Variants in ERC1 observed in about 807,000 individuals in gnomAD.
ERC1 encodes the protein ELKS/RAB6-interacting/CAST family member 1.
A neutral mutation model predicts 132.0 loss-of-function variants in ERC1; 56 were observed. That is an observed-to-expected ratio of 0.42 (90% confidence interval 0.34 to 0.53). The LOEUF is 0.53. ERC1 is among the 20% of genes least tolerant of loss of function. The pLI, the probability that ERC1 is intolerant of heterozygous loss-of-function variation, is 0.03. For missense variants in ERC1, 1,202 were observed against 1,349.9 expected (o/e 0.89, Z 1.72); for synonymous variants, 478 against 476.1 (o/e 1.00, Z -0.05).
At chr12:1,307,634 C>T (rs16928349) in intron 15 of ERC1, among the ~76,000 whole-genome samples, 2,934 of 152,224 alleles carry the variant, frequency 0.019, 101 homozygotes, top group African/African-American at 0.068. Flanking sequence ...AATGCCCGAG[C>T]GCCCCTTTAG....
At chr12:1,064,616 ACTC>A (rs1452684546) in intron 2 of ERC1, among the ~76,000 whole-genome samples, 1 of 151,806 alleles carries the variant, frequency 6.6e-6, no homozygotes, top group Non-Finnish European at 1.5e-5. Context: ...CTTGTGTCAA[ACTC>A]CTGGCCTCAA....
intron 18 of ERC1, among the ~76,000 whole-genome samples, chr12:1,482,698 C>T (rs2094117317): frequency 2.0e-5 from 3 of 152,118 alleles, no homozygotes; most frequent in South Asian, 4.1e-4. Flanking sequence ...CCACCTGCCT[C>T]GGCCTCCCAA....
At chr12:1,235,733 G>GC (rs1197976994) in intron 12 of ERC1, among the ~76,000 whole-genome samples, 7 of 152,154 alleles carry the variant, frequency 4.6e-5, no homozygotes, top group African/African-American at 7.2e-5. Context: ...TGCACAGCTA[G>GC]CAAGAGTATA....
At chr12:1,401,355 G>A (rs2091052193) in intron 16 of ERC1, among the ~76,000 whole-genome samples, 1 of 152,148 alleles carries the variant, frequency 6.6e-6, no homozygotes, top group South Asian at 2.1e-4. Context: ...AAATGCTGTA[G>A]CAAATAAAGG....
rs12099903 is a variant in ERC1 at position 1,418,240 on chromosome 12, C to T, written c.3024+9993C>T. ...GGACATGCTACCCCAAAATATGGCACGTTGGCATTGGATACAACAACAGAA... is the reference window on the plus strand; with the variant it reads ...GGACATGCTACCCCAAAATATGGCATGTTGGCATTGGATACAACAACAGAA... On this transcript the variant is annotated intron_variant, in intron 17 of 18. Coordinates refer to ENST00000360905, the MANE Select transcript of ERC1 (RefSeq NM_178040.4). Among the ~76,000 whole-genome samples, 1,060 of 152,274 alleles carry T rather than the reference C, an allele frequency of 7.0e-3. 16 individuals carry two copies. Among genetic ancestry groups the T allele is most frequent in the African/African-American group, 0.024 (983 of 41,546 alleles).
At chr12:1,231,966 C>T (rs572901511) in intron 12 of ERC1, among the ~76,000 whole-genome samples, 2 of 152,298 alleles carry the variant, frequency 1.3e-5, no homozygotes, top group South Asian at 2.1e-4. Context: ...TCTTCGATCT[C>T]CTGACCTCAT....
chr12:1,064,922 A>T (rs544073492), intron 2 of ERC1, among the ~76,000 whole-genome samples: 35 of 152,030 alleles, frequency 2.3e-4, no homozygotes, highest in Non-Finnish European at 5.1e-4. Flanking sequence ...GTAGTTGTTC[A>T]CTTAATGGTG....
intron 2 of ERC1, among the ~76,000 whole-genome samples, chr12:1,060,537 T>C (rs184018949): frequency 6.6e-6 from 1 of 152,196 alleles, no homozygotes; most frequent in African/African-American, 2.4e-5. Flanking sequence ...TAGTATTCCA[T>C]GGTGTATATG....
chr12:1,075,953 G>C (rs1206495240), intron 2 of ERC1, among the ~76,000 whole-genome samples: 1 of 152,088 alleles, frequency 6.6e-6, no homozygotes, highest in African/African-American at 2.4e-5. Context: ...TGGTACAAGG[G>C]TCAACTGTAC....
In ERC1 at chr12:1,189,870, A is replaced by G. The variant is rs753055881; in HGVS notation, c.2169A>G (p.Ala723=). The part of the protein sequence containing the change: ...MESQLKKAHE[A]ALEARASPEM... Reference sequence around the variant, plus strand: ...GCTTTTCTTTGTAGGCACATGAGGCAGCATTGGAAGCCAGAGCCAGTCCAG... The same window carrying G: ...GCTTTTCTTTGTAGGCACATGAGGCGGCATTGGAAGCCAGAGCCAGTCCAG... The change falls in exon 12 of 19, where the codon GCA becomes GCG. Residue 723 remains alanine (A), a synonymous_variant. Transcript: ENST00000360905. The G allele has an allele frequency of 1.2e-6, 2 of 1,605,238 alleles. No homozygotes were observed. Among genetic ancestry groups the G allele is most frequent in the Non-Finnish European group, 1.7e-6 (2 of 1,175,238 alleles).
intron 15 of ERC1, among the ~76,000 whole-genome samples, chr12:1,348,183 T>C (rs753134838): frequency 1.3e-5 from 2 of 152,200 alleles, no homozygotes; most frequent in Non-Finnish European, 2.9e-5. Context: ...CCAGTGCCTC[T>C]TCCTGGTTTC....
In ERC1 at chr12:1,223,747, A is replaced by G. The variant is rs969804392; in HGVS notation, c.2352-13022A>G. ...ATAGTTGGGAGCTTAGCAATTGTGAATCTAATTTTAAAGCATTAATTTATT... is the reference window on the plus strand; with the variant it reads ...ATAGTTGGGAGCTTAGCAATTGTGAGTCTAATTTTAAAGCATTAATTTATT... On this transcript the variant is annotated intron_variant, in intron 12 of 18. Transcript: ENST00000360905. Among the ~76,000 whole-genome samples, 5 of 152,320 alleles carry G rather than the reference A, an allele frequency of 3.3e-5. No individual in the cohort carries two copies. The East Asian group carries it at 9.6e-4, about 29-fold the overall frequency.
chr12:1,108,345 C>T (rs1259548448), intron 4 of ERC1, among the ~76,000 whole-genome samples: 1 of 152,136 alleles, frequency 6.6e-6, no homozygotes, highest in Non-Finnish European at 1.5e-5. Context: ...AGGCTCTGTA[C>T]AGGTTCCGGC....
chr12:1,365,835 G>A (rs1188587552), intron 15 of ERC1, among the ~76,000 whole-genome samples: 1 of 152,184 alleles, frequency 6.6e-6, no homozygotes, highest in Non-Finnish European at 1.5e-5. Flanking sequence ...GTCCATGTTG[G>A]ATAAATGGAT....
chr12:1,455,974 A>G (rs1261182327), intron 18 of ERC1, among the ~76,000 whole-genome samples: 1 of 152,214 alleles, frequency 6.6e-6, no homozygotes, highest in East Asian at 1.9e-4. Flanking sequence ...GACCACACTC[A>G]GGTGTATGAT....
rs1565554148 is a variant in ERC1 at position 1,493,550 on chromosome 12, TATATATATATA to T, written c.*3321_*3331del. 1.5e-5 allele frequency: 1 copy of T among 65,642 alleles called. No homozygotes were observed. The highest frequency in any genetic ancestry group is 5.6e-5 in the African/African-American group (1 of 17,748). The allele number at this position is 65,642 out of a possible 1,614,324, so 4.1% of individuals were successfully genotyped here. ...TCCATTTAAAAAAAAAAAAAAAAAATATATATATATATATATATATATATATATGGATGGGA... is the reference window on the plus strand; with the variant it reads ...TCCATTTAAAAAAAAAAAAAAAAAATTATATATATATATATATGGATGGGA... On this transcript the variant is annotated 3_prime_UTR_variant, in exon 19 of 19. Transcript: ENST00000360905.
intron 15 of ERC1, among the ~76,000 whole-genome samples, chr12:1,367,244 A>T (rs775451107): frequency 3.9e-5 from 6 of 152,242 alleles, no homozygotes; most frequent in Non-Finnish European, 8.8e-5. Context: ...ATTTATCTTA[A>T]AATTAGAGTA....
chr12:1,298,542 CAAAA>C (rs759796167), intron 15 of ERC1, among the ~76,000 whole-genome samples: 8 of 74,798 alleles, frequency 1.1e-4, no homozygotes, highest in East Asian at 6.9e-4. Context: ...GACTCTGTCA[CAAAA>C]AAAAAAAAAA....
chr12:1,470,004 C>G (rs183222297), intron 18 of ERC1, among the ~76,000 whole-genome samples: 4 of 152,122 alleles, frequency 2.6e-5, no homozygotes, highest in South Asian at 2.1e-4. Context: ...TCGTGGAACC[C>G]CTTCCATGGC....
Sources: gnomAD v4.1 joint callset for allele counts (sites outside exome capture counted in the v4.1 genomes callset) on GRCh38, gnomAD v4.1.1 for gene constraint, MANE v1.5 for transcripts, NCBI Gene and HGNC (gene_info 2026-07-23, HGNC 2026-07-21) for gene names.